CUBN: variants seen among roughly 807,000 people sequenced by gnomAD.
CUBN encodes the protein 460 kDa receptor.
CUBN carries 282 observed loss-of-function variants against 405.3 expected under a neutral mutation model. The observed-to-expected ratio is 0.70, with a 90% CI of 0.63 to 0.77. The LOEUF is 0.77. Ranked by LOEUF, CUBN falls within the 30% of genes least tolerant of loss-of-function variation. The pLI, the probability that CUBN is intolerant of heterozygous loss-of-function variation, is 0.00. For synonymous variants in CUBN, 1,684 were observed against 1,617.0 expected (o/e 1.04, Z -0.99); for missense variants, 4,514 against 4,475.2 (o/e 1.01, Z -0.25).
At chr10:17,112,450 TAAAC>T (rs1365743323) in intron 8 of CUBN, among the ~76,000 whole-genome samples, 3 of 152,014 alleles carry the variant, frequency 2.0e-5, no homozygotes, top group Admixed American at 6.5e-5. Context: ...AATAGGGTGA[TAAAC>T]AAGAAAACAA....
rs768821054 is a variant in CUBN at position 17,068,665 on chromosome 10, C to T, written c.2731G>A (p.Val911Met). The change falls in exon 20 of 67, where the codon GTG (valine) becomes ATG (methionine). Residue 911 changes from valine (V) to methionine (M), a missense_variant. Transcript: ENST00000377833. ...TGGTTTTCAGTAGAAGAACTTTTCA[C>T]GAATGTGACATAAAGAAAATTGTAC... ...SVYNFLYVTF[V>M]KSSSTENHGF... The T allele has an allele frequency of 1.2e-5, 20 of 1,612,642 alleles. No homozygotes were observed. The highest frequency in any genetic ancestry group is 1.0e-4 in the Admixed American group (6 of 59,928).
At chr10:16,932,023 A>C (rs1842376364) in intron 40 of CUBN, among the ~76,000 whole-genome samples, 1 of 152,196 alleles carries the variant, frequency 6.6e-6, no homozygotes, top group Admixed American at 6.5e-5. Context: ...CTTAGATGTG[A>C]AGAGGGCATT....
intron 22 of CUBN, among the ~76,000 whole-genome samples, chr10:17,052,110 C>T (rs1835283957): frequency 6.6e-6 from 1 of 152,106 alleles, no homozygotes; most frequent in Admixed American, 6.5e-5. Context: ...GGCTTCTAAA[C>T]AGAAGCAATG....
chr10:17,018,832 G>T (rs1405467813), intron 28 of CUBN, among the ~76,000 whole-genome samples: 1 of 152,032 alleles, frequency 6.6e-6, no homozygotes, highest in African/African-American at 2.4e-5. Context: ...TGATTGGTGG[G>T]TTTTTACAGA....
intron 17 of CUBN, among the ~76,000 whole-genome samples, chr10:17,075,101 T>G (rs1390854435): frequency 1.5e-5 from 2 of 130,198 alleles, no homozygotes; most frequent in African/African-American, 5.8e-5. Context: ...TTTTTTTTTT[T>G]GAGATGAAGT....
chr10:17,010,897 C>T (rs953179616), intron 28 of CUBN, among the ~76,000 whole-genome samples: 1 of 152,180 alleles, frequency 6.6e-6, no homozygotes, highest in African/African-American at 2.4e-5. Context: ...TAGGGCTATT[C>T]AGTTATAAGT....
intron 22 of CUBN, among the ~76,000 whole-genome samples, chr10:17,053,749 T>G (rs1835324347): frequency 6.6e-6 from 1 of 152,108 alleles, no homozygotes; most frequent in Admixed American, 6.5e-5. Context: ...GCACTACACT[T>G]AATAACTGCA....
At chr10:16,871,283 C>T (rs1334363567) in intron 58 of CUBN, among the ~76,000 whole-genome samples, 6 of 151,776 alleles carry the variant, frequency 4.0e-5, no homozygotes, top group African/African-American at 1.2e-4. Flanking sequence ...CTCAGGTGAC[C>T]TGCCTGCCTC....
At chr10:17,062,281 A>G (rs1835520500) in intron 22 of CUBN, among the ~76,000 whole-genome samples, 1 of 152,188 alleles carries the variant, frequency 6.6e-6, no homozygotes, top group Non-Finnish European at 1.5e-5. Flanking sequence ...TTCCTCTAAT[A>G]TTAAAGTTGA....
intron 8 of CUBN, among the ~76,000 whole-genome samples, chr10:17,113,077 C>T (rs1836807050): frequency 6.6e-6 from 1 of 152,070 alleles, no homozygotes; most frequent in Non-Finnish European, 1.5e-5. Flanking sequence ...ACCAGCCTGG[C>T]CAACATGGCA....
At position 16,949,990 on chromosome 10, in the gene CUBN, C is replaced by T. The variant is rs368620157; in HGVS notation, c.5080+11G>A. The T allele has an allele frequency of 1.2e-5, 19 of 1,597,510 alleles. No homozygotes were observed. The African/African-American group carries it at 2.1e-4, about 18-fold the overall frequency. ...AAGACCACAGATGTAGATGAGTGAA[C>T]GCTGAGGTACCTCGGAGGGGCGCGT... On this transcript the variant is annotated intron_variant, in intron 34 of 66. Coordinates refer to ENST00000377833, the MANE Select transcript of CUBN (RefSeq NM_001081.4).
At chr10:16,985,050 A>G (rs1833378504) in intron 29 of CUBN, among the ~76,000 whole-genome samples, 1 of 152,242 alleles carries the variant, frequency 6.6e-6, no homozygotes, top group South Asian at 2.1e-4. Flanking sequence ...TGATATAGAC[A>G]GCAGACAGGG....
chr10:17,109,945 CTGGGT>C (rs1401551019), intron 9 of CUBN, among the ~76,000 whole-genome samples: 1 of 151,996 alleles, frequency 6.6e-6, no homozygotes, highest in African/African-American at 2.4e-5. Context: ...AAGCAATGTT[CTGGGT>C]TGTTTCTAAT....
intron 60 of CUBN, among the ~76,000 whole-genome samples, chr10:16,844,610 C>T (rs1839457523): frequency 6.6e-6 from 1 of 152,128 alleles, no homozygotes; most frequent in African/African-American, 2.4e-5. Flanking sequence ...CATACCTGGC[C>T]CCAAGCTGGT....
chr10:16,829,936 TG>T (rs1838929110), intron 65 of CUBN, among the ~76,000 whole-genome samples: 3 of 149,838 alleles, frequency 2.0e-5, no homozygotes, highest in African/African-American at 2.5e-5. Context: ...GGGTTTTTTT[TG>T]TTTTGTTTTT....
intron 31 of CUBN, among the ~76,000 whole-genome samples, chr10:16,967,831 GAGA>G (rs1274011825): frequency 7.7e-6 from 1 of 129,672 alleles, no homozygotes; most frequent in Non-Finnish European, 1.8e-5. Context: ...GGGAGAGAGA[GAGA>G]AGGAGAGACA....
rs1018752857 is a variant in CUBN at position 17,118,779 on chromosome 10, A to G, written c.594-3182T>C. Among the ~76,000 whole-genome samples, 3 of 152,128 alleles carry G rather than the reference A, an allele frequency of 2.0e-5. No homozygotes were observed. The East Asian group carries it at 5.8e-4, about 29-fold the overall frequency. On this transcript the variant is annotated intron_variant, in intron 6 of 66. Transcript: ENST00000377833. Reference sequence around the variant, plus strand: ...ATAACAGGGTTAACAGGCAAAATATATTTTCAAGGTGTCTTGATATGGCCT... The same window carrying G: ...ATAACAGGGTTAACAGGCAAAATATGTTTTCAAGGTGTCTTGATATGGCCT...
intron 22 of CUBN, among the ~76,000 whole-genome samples, chr10:17,061,083 C>T (rs1347250238): frequency 6.6e-6 from 1 of 151,534 alleles, no homozygotes; most frequent in Non-Finnish European, 1.5e-5. Context: ...AAAACAACAA[C>T]AAAAAAAACC....
intron 66 of CUBN, among the ~76,000 whole-genome samples, chr10:16,826,162 T>C (rs976361898): frequency 4.6e-5 from 7 of 152,172 alleles, no homozygotes; most frequent in Admixed American, 3.3e-4. Flanking sequence ...CTGTGAACAA[T>C]GGTATTTACC....
Sources: gnomAD v4.1 joint callset for allele counts (sites outside exome capture counted in the v4.1 genomes callset) on GRCh38, gnomAD v4.1.1 for gene constraint, MANE v1.5 for transcripts, NCBI Gene and HGNC (gene_info 2026-07-23, HGNC 2026-07-21) for gene names.